Variants in ZKSCAN2 observed in about 807,000 individuals in gnomAD.
ZKSCAN2 encodes zinc finger with KRAB and SCAN domains 2, also known as zinc finger protein with KRAB and SCAN domains 2.
Under a neutral mutation model 90.5 loss-of-function variants are expected in ZKSCAN2, and 38 were observed. The ratio of observed to expected loss-of-function variants is 0.42; its 90% confidence interval spans 0.32 to 0.55. The LOEUF (loss-of-function observed/expected upper bound fraction) is 0.55. Ranked by LOEUF, ZKSCAN2 falls within the 20% of genes least tolerant of loss-of-function variation. The pLI is 0.11. For missense variants in ZKSCAN2, 1,167 were observed against 1,202.6 expected, an observed-to-expected ratio of 0.97 and a Z score of 0.44; for synonymous variants, 429 against 421.6, an observed-to-expected ratio of 1.02 and a Z score of -0.22.
rs1422720997 is a variant in ZKSCAN2, at chr16:25,237,896, CACAA to C, written c.*1916_*1919del. The C allele has an allele frequency of 6.6e-6, 1 of 152,254 alleles. No individual in the cohort carries two copies. The highest frequency in any genetic ancestry group is 1.5e-5 in the Non-Finnish European group (1 of 68,050). 9.4% of individuals were successfully genotyped at this position (152,254 alleles called of 1,614,324 possible). ...AATATAAACACAAGCCCACTGGCAC[CACAA>C]ACATCTTACTGTGCTACGCACACTA... On this transcript the variant is annotated 3_prime_UTR_variant, in exon 7 of 7. Transcript: ENST00000328086.
chr16:25,244,534 G>C (rs188649610), intron 5 of ZKSCAN2, among the ~76,000 whole-genome samples: 314 of 152,276 alleles, frequency 2.1e-3, no homozygotes, highest in African/African-American at 7.1e-3. Context: ...TTTCTCATAT[G>C]AATCTATAGT....
chr16:25,237,675 CCCTT>C lies in ZKSCAN2; in HGVS notation c.*2137_*2140del, dbSNP rs1962791038. 1 of 152,066 alleles carries C rather than the reference CCCTT, an allele frequency of 6.6e-6. No homozygotes were observed. The highest frequency in any genetic ancestry group is 2.4e-5 in the African/African-American group (1 of 41,392). 9.4% of individuals were successfully genotyped at this position (152,066 alleles called of 1,614,324 possible). On this transcript the variant is annotated 3_prime_UTR_variant, in exon 7 of 7. Coordinates refer to ENST00000328086, the MANE Select transcript of ZKSCAN2 (RefSeq NM_001012981.5). ...AGTTCCTTGAGCCCAGGCACCATGC[CCCTT>C]CCTTCCTTTTTCTATCATTCACTGT...
At chr16:25,254,225 T>C (rs953464249) in intron 2 of ZKSCAN2, among the ~76,000 whole-genome samples, 1 of 152,246 alleles carries the variant, frequency 6.6e-6, no homozygotes, top group African/African-American at 2.4e-5. Context: ...AGACAAGATA[T>C]AAACAGAAGA....
Position 25,247,108 on chromosome 16 carries a change from G to T in ZKSCAN2, c.1088C>A (p.Thr363Lys). 1 of 1,614,208 alleles carries T rather than the reference G, an allele frequency of 6.2e-7. No individual in the cohort carries two copies. Among genetic ancestry groups the T allele is most frequent in the East Asian group, 2.2e-5 (1 of 44,884 alleles). ...GCTATTTCGGGGACAGGCCTGAAGTGTTTCATAAAAGCGAGACTCTTTGAG... is the reference window on the plus strand; with the variant it reads ...GCTATTTCGGGGACAGGCCTGAAGTTTTTCATAAAAGCGAGACTCTTTGAG... ...AILKESRFYE[T>K]LQACPRNSQV... Residue 363 changes from threonine (T) to lysine (K), a missense_variant, in exon 5 of 7, where the codon ACA becomes AAA. By Grantham distance (78) the Thr-to-Lys change is moderately conservative. Transcript: ENST00000328086.
intron 2 of ZKSCAN2, among the ~76,000 whole-genome samples, chr16:25,253,439 C>CCTCTCT (rs151086073): frequency 1.4e-4 from 20 of 144,640 alleles, no homozygotes; most frequent in African/African-American, 3.3e-4. Flanking sequence ...TTTCTCCCTT[C>CCTCTCT]CTCTCTCTCT....
chr16:25,251,872 T>G, intron 4 of ZKSCAN2, 37 bp downstream of exon 4: 3 of 1,610,022 alleles, frequency 1.9e-6, no homozygotes, highest in Non-Finnish European at 2.5e-6. Flanking sequence ...ATTAGAAAGC[T>G]CCAAGTCTTA....
chr16:25,255,843 A>G (rs111993643), intron 1 of ZKSCAN2, among the ~76,000 whole-genome samples: 3,711 of 152,260 alleles, frequency 0.024, 153 homozygotes, highest in African/African-American at 0.083. Context: ...TCGGCCTCCC[A>G]AAGTGCTGGG....
rs1251778598 is a variant in ZKSCAN2, at chr16:25,236,947, T to C, written c.*2869A>G. ...ATTAAATAAATATAGGTTGGGGTAGTTGGTTGAGGTGGGCTGTAAGTTTTG... is the reference window on the plus strand; with the variant it reads ...ATTAAATAAATATAGGTTGGGGTAGCTGGTTGAGGTGGGCTGTAAGTTTTG... On this transcript the variant is annotated 3_prime_UTR_variant, in exon 7 of 7. Coordinates refer to ENST00000328086, the MANE Select transcript of ZKSCAN2 (RefSeq NM_001012981.5). 1 of 152,596 alleles carries C rather than the reference T, an allele frequency of 6.6e-6. No individual in the cohort carries two copies. The allele number at this position is 152,596 out of a possible 1,614,324, so 9.5% of individuals were successfully genotyped here. A position where few individuals can be genotyped will look rare whatever the true frequency, so the allele number is the denominator to read the frequency against.
In ZKSCAN2 at chr16:25,243,979, T is replaced by A. The variant is rs1414379604; in HGVS notation, c.1787A>T (p.Glu596Val). Reference protein sequence around the residue: ...RASAPSPSTPEEVPSPSRQER... With the variant: ...RASAPSPSTPVEVPSPSRQER... ...TTGCCTTGAAGGTGATGGGACTTCC[T>A]CTGGGGTGCTGGGGGAAGGAGCAGA... The change falls in exon 6 of 7, where the codon GAG (glutamate) becomes GTG (valine). Residue 596 changes from glutamate to valine, a missense_variant. Coordinates refer to ENST00000328086, the MANE Select transcript of ZKSCAN2 (RefSeq NM_001012981.5). 6.2e-7 allele frequency: 1 copy of A among 1,614,170 alleles called. No homozygotes were observed. The highest frequency in any genetic ancestry group is 1.3e-5 in the African/African-American group (1 of 75,046).
At chr16:25,250,920 C>A (rs943918517) in intron 4 of ZKSCAN2, among the ~76,000 whole-genome samples, 1 of 152,094 alleles carries the variant, frequency 6.6e-6, no homozygotes, top group Non-Finnish European at 1.5e-5. Context: ...CCATGTCCAG[C>A]TAATTTTGTA....
intron 2 of ZKSCAN2, 67 bp downstream of exon 2, chr16:25,255,139 G>A: frequency 1.3e-6 from 2 of 1,502,088 alleles, no homozygotes; most frequent in Admixed American, 2.3e-5. Flanking sequence ...CACATTCACA[G>A]CGTTGGGGTA....
chr16:25,245,897 T>C (rs962715868), intron 5 of ZKSCAN2, among the ~76,000 whole-genome samples: 2 of 152,222 alleles, frequency 1.3e-5, no homozygotes, highest in African/African-American at 2.4e-5. Context: ...TTATCCTATT[T>C]AACACTAATA....
In ZKSCAN2 at chr16:25,236,051, A is replaced by G. The variant is rs757808063; in HGVS notation, c.*3765T>C. 2.0e-5 allele frequency: 3 copies of G among 152,244 alleles called. No individual in the cohort carries two copies. Among genetic ancestry groups the G allele is most frequent in the Non-Finnish European group, 4.4e-5 (3 of 68,036 alleles). 9.4% of individuals were successfully genotyped at this position (152,244 alleles called of 1,614,324 possible). The stretch of plus-strand genomic sequence containing the variant: ...TTTATTTTAGACATTTATTCCACAA[A>G]CAAGTTTTCAAGAAGACATCTAAGT... On this transcript the variant is annotated 3_prime_UTR_variant, in exon 7 of 7. Coordinates refer to ENST00000328086, the MANE Select transcript of ZKSCAN2 (RefSeq NM_001012981.5).
Position 25,257,536 on chromosome 16 carries a change from C to A in ZKSCAN2, c.-409G>T. 1.0e-6 allele frequency: 1 copy of A among 988,552 alleles called. No homozygotes were observed. The highest frequency in any genetic ancestry group is 1.2e-6 in the Non-Finnish European group (1 of 832,176). 61.2% of individuals were successfully genotyped at this position (988,552 alleles called of 1,614,324 possible). ...GGGTCGGGCGCGGAGAGGCGAGTCCCCGAGTGGGTGGGGCCGGATGTGCAG... is the reference window on the plus strand; with the variant it reads ...GGGTCGGGCGCGGAGAGGCGAGTCCACGAGTGGGTGGGGCCGGATGTGCAG... On this transcript the variant is annotated 5_prime_UTR_variant, in exon 1 of 7. Transcript: ENST00000328086.
rs752287717 is a variant in ZKSCAN2, at chr16:25,246,833, T to C, written c.1363A>G (p.Lys455Glu). 6 of 1,614,206 alleles carry C rather than the reference T, an allele frequency of 3.7e-6. No individual in the cohort carries two copies. The highest frequency in any genetic ancestry group is 3.3e-5 in the Admixed American group (2 of 60,024). The part of the protein sequence containing the change: ...PRLKRIAISA[K>E]EHISLVEEEE... Reference sequence around the variant, plus strand: ...TCCTCCACCAAGCTGATGTGTTCCTTAGCACTGATGGCAATTCTCTTCAGT... The same window carrying C: ...TCCTCCACCAAGCTGATGTGTTCCTCAGCACTGATGGCAATTCTCTTCAGT... The change falls in exon 5 of 7, where the codon AAG (lysine) becomes GAG (glutamate). Residue 455 changes from lysine to glutamate, a missense_variant. By Grantham distance (56) the Lys-to-Glu change is moderately conservative. Transcript: ENST00000328086.
At chr16:25,252,094 A>G (rs759551765) in intron 3 of ZKSCAN2, 59 bp from the exon 4 acceptor site, 7 of 1,592,562 alleles carry the variant, frequency 4.4e-6, no homozygotes, top group South Asian at 3.4e-5. Flanking sequence ...TCAAAGGATG[A>G]GCAATCACAG....
At position 25,256,707 on chromosome 16, in the gene ZKSCAN2, A is replaced by C. The variant is rs539471365; in HGVS notation, c.399+22T>G. On this transcript the variant is annotated intron_variant, in intron 1 of 6. Coordinates refer to ENST00000328086, the MANE Select transcript of ZKSCAN2 (RefSeq NM_001012981.5). ...CCATTCCCTTTTTTCTAAGTACAAA[A>C]ATTTGGAAAATCCTCTCTCACCTGC... The C allele has an allele frequency of 1.9e-6, 3 of 1,585,484 alleles. No individual in the cohort carries two copies. The African/African-American group carries it at 4.1e-5, about 22-fold the overall frequency.
At chr16:25,252,108 A>G in intron 3 of ZKSCAN2, 73 bp from the exon 4 acceptor site, 1 of 1,558,232 alleles carries the variant, frequency 6.4e-7, no homozygotes, top group Non-Finnish European at 8.8e-7. Context: ...ATCACAGATG[A>G]GGCAGAGAAG....
At chr16:25,251,243 A>T (rs1284919231) in intron 4 of ZKSCAN2, among the ~76,000 whole-genome samples, 1 of 152,116 alleles carries the variant, frequency 6.6e-6, no homozygotes, top group Non-Finnish European at 1.5e-5. Context: ...AAAAAGCCTT[A>T]TATCTTATTA....
Sources: allele counts gnomAD v4.1 joint callset (sites outside exome capture counted in the v4.1 genomes callset), GRCh38; gene constraint gnomAD v4.1.1; transcripts MANE v1.5; gene names NCBI Gene and HGNC (gene_info 2026-07-23, HGNC 2026-07-21).